MATCAP1: variants seen among roughly 807,000 people sequenced by gnomAD.
MATCAP1 encodes microtubule-associated tyrosine carboxypeptidase 1.
chr16:67,175,677 CA>C, the MATCAP1 span: 1 of 153,182 alleles, frequency 6.5e-6, no homozygotes, highest in African/African-American at 2.4e-5. Context: ...GTGACTTACA[CA>C]AAAGGCGCTC....
At chr16:67,180,199 AG>A in the MATCAP1 span, 1 of 1,614,216 alleles carries the variant, frequency 6.2e-7, no homozygotes, top group African/African-American at 1.3e-5. Context: ...ACCAACATGC[AG>A]GGGCTCTTGC....
chr16:67,180,837 G>C, the MATCAP1 span, among the ~76,000 whole-genome samples: 1 of 152,312 alleles, frequency 6.6e-6, no homozygotes, highest in South Asian at 2.1e-4. Context: ...ACCCAAATAT[G>C]CTGGGCCGGA....
chr16:67,179,238 T>C, the MATCAP1 span: 7 of 1,417,838 alleles, frequency 4.9e-6, no homozygotes, highest in South Asian at 1.6e-5. The surrounding 1 kb of genome is among the most constrained non-coding windows in gnomAD (Gnocchi z 5.2). Context: ...GCCCAGAGCA[T>C]GGGCAGGCAT....
At chr16:67,178,955 A>G in the MATCAP1 span, 2 of 414,694 alleles carry the variant, frequency 4.8e-6, no homozygotes, top group East Asian at 6.7e-5. Flanking sequence ...GGACAGACAG[A>G]TAGGAATAGT....
chr16:67,176,798 C>T, the MATCAP1 span: 2 of 1,560,842 alleles, frequency 1.3e-6, no homozygotes, highest in African/African-American at 1.4e-5. This position sits in a 1 kb window ranked among gnomAD's most constrained non-coding sequence, Gnocchi z 4.3. Flanking sequence ...CTGACTGCAG[C>T]CCTCAACGGA....
chr16:67,183,022 C>T, the MATCAP1 span, among the ~76,000 whole-genome samples: 5 of 152,180 alleles, frequency 3.3e-5, no homozygotes, highest in Non-Finnish European at 5.9e-5. Context: ...TAAATGAATC[C>T]AAGAGCTCTT....
chr16:67,177,305 A>C, the MATCAP1 span, among the ~76,000 whole-genome samples: 924 of 152,262 alleles, frequency 6.1e-3, 8 homozygotes, highest in African/African-American at 0.021. Context: ...CATGTCCAAA[A>C]GTCAACTCCT....
At chr16:67,177,011 G>T in the MATCAP1 span, 10 of 1,473,690 alleles carry the variant, frequency 6.8e-6, no homozygotes, top group Admixed American at 9.5e-5. Context: ...CATAGGCAGT[G>T]GCCCCTGGCT....
the MATCAP1 span, chr16:67,178,527 C>T: frequency 2.6e-6 from 4 of 1,512,534 alleles, no homozygotes; most frequent in Admixed American, 8.3e-5. Flanking sequence ...CGAGGGGAGG[C>T]GGCGCTGGGC....
the MATCAP1 span, chr16:67,178,611 T>G: frequency 6.1e-6 from 6 of 981,362 alleles, no homozygotes; most frequent in Non-Finnish European, 9.4e-6. Flanking sequence ...GCCGCGACAC[T>G]TCCATCCTCA....
At chr16:67,175,721 G>A in the MATCAP1 span, 2 of 152,394 alleles carry the variant, frequency 1.3e-5, no homozygotes, top group African/African-American at 4.8e-5. Flanking sequence ...CTTACTAAAT[G>A]AATAAGGACT....
chr16:67,179,143 C>G, the MATCAP1 span: 1 of 1,236,922 alleles, frequency 8.1e-7, no homozygotes, highest in Non-Finnish European at 1.0e-6. This position sits in a 1 kb window ranked among gnomAD's most constrained non-coding sequence, Gnocchi z 5.2. Context: ...CAGGGCCTGA[C>G]CAGCCTTGCC....
the MATCAP1 span, chr16:67,179,726 G>A: frequency 1.3e-6 from 2 of 1,565,636 alleles, no homozygotes; most frequent in Non-Finnish European, 8.8e-7. The surrounding 1 kb of genome is among the most constrained non-coding windows in gnomAD (Gnocchi z 5.2). Context: ...AGGGGCAGGG[G>A]TGGGTCAGGT....
chr16:67,178,345 G>C, the MATCAP1 span: 6 of 1,577,530 alleles, frequency 3.8e-6, no homozygotes, highest in Non-Finnish European at 5.2e-6. Flanking sequence ...GTAGAGCAGT[G>C]CAGCGCGCCA....
At chr16:67,179,368 C>A in the MATCAP1 span, 4 of 1,542,546 alleles carry the variant, frequency 2.6e-6, no homozygotes, top group East Asian at 9.2e-5. The surrounding 1 kb of genome is among the most constrained non-coding windows in gnomAD (Gnocchi z 5.2). Flanking sequence ...CTCCTTCCCA[C>A]CCCTCCCAGC....
the MATCAP1 span, among the ~76,000 whole-genome samples, chr16:67,182,022 G>A: frequency 5.3e-5 from 8 of 152,112 alleles, no homozygotes; most frequent in African/African-American, 9.7e-5. Context: ...AGGCCGAGGC[G>A]GGCGGATCAC....
At chr16:67,176,962 T>A in the MATCAP1 span, 1 of 1,565,318 alleles carries the variant, frequency 6.4e-7, no homozygotes, top group Non-Finnish European at 8.7e-7. The surrounding 1 kb of genome is among the most constrained non-coding windows in gnomAD (Gnocchi z 4.3). Context: ...GTGGTCCACA[T>A]CCTCATAGGA....
the MATCAP1 span, chr16:67,179,365 C>T: frequency 6.5e-7 from 1 of 1,540,386 alleles, no homozygotes; most frequent in Non-Finnish European, 8.8e-7. This position sits in a 1 kb window ranked among gnomAD's most constrained non-coding sequence, Gnocchi z 5.2. Context: ...CCCCTCCTTC[C>T]CACCCCTCCC....
chr16:67,178,959 G>A, the MATCAP1 span: 10 of 414,228 alleles, frequency 2.4e-5, no homozygotes, highest in Admixed American at 3.3e-4. Flanking sequence ...AGACAGATAG[G>A]AATAGTGGTT....
Sources: gnomAD v4.1 joint callset for allele counts (sites outside exome capture counted in the v4.1 genomes callset) on GRCh38, gnomAD v4.1.1 for gene constraint, Gnocchi (gnomAD v3.1) non-coding constraint, MANE v1.5 for transcripts, NCBI Gene and HGNC (gene_info 2026-07-23, HGNC 2026-07-21) for gene names.